MPHOSPH8: variants seen among roughly 807,000 people sequenced by gnomAD.
The protein encoded by MPHOSPH8 is M-phase phosphoprotein, mpp.
In MPHOSPH8, 45 loss-of-function variants were observed where a neutral mutation model predicts 87.3. That is an observed-to-expected ratio of 0.52 (90% CI 0.41 to 0.66). The LOEUF (loss-of-function observed/expected upper bound fraction) is 0.66. Ranked by LOEUF, MPHOSPH8 falls within the 30% of genes least tolerant of loss-of-function variation. MPHOSPH8 has a pLI of 0.00. For synonymous variants in MPHOSPH8, 366 were observed against 376.9 expected (o/e 0.97, Z 0.33); for missense variants, 883 against 1,020.2 (o/e 0.87, Z 1.83).
Position 19,661,822 on chromosome 13 carries a change from T to C in MPHOSPH8, c.1916T>C (p.Ile639Thr). The C allele has an allele frequency of 1.9e-6, 3 of 1,611,478 alleles. No individual in the cohort carries two copies. Among genetic ancestry groups the C allele is most frequent in the Non-Finnish European group, 2.5e-6 (3 of 1,178,624 alleles). ...CAGAAGAACGGGACCACCGCCCTCA[T>C]TCATGCTGCAGAGAAGGTTTGTGGC... Reference protein sequence around the residue: ...GRQKNGTTALIHAAEKNFLTT... With the variant: ...GRQKNGTTALTHAAEKNFLTT... Residue 639 changes from isoleucine to threonine, a missense_variant, in exon 8 of 14, where the codon ATT becomes ACT. By Grantham distance (89) the Ile-to-Thr change is moderately conservative. This residue lies in a region of MPHOSPH8 where 741 missense variants were observed against 841.5 expected (regional missense o/e 0.88). Coordinates refer to ENST00000361479, the MANE Select transcript of MPHOSPH8 (RefSeq NM_017520.4).
At chr13:19,670,997 T>C (rs1423427612) in intron 12 of MPHOSPH8, 1 of 1,233,266 alleles carries the variant, frequency 8.1e-7, no homozygotes, top group African/African-American at 1.5e-5. Context: ...TTTTTTGTAT[T>C]TTTTGTAGAG....
At position 19,639,282 on chromosome 13, in the gene MPHOSPH8, GGTTT is replaced by G. The variant is rs1322304756; in HGVS notation, c.214-2827_214-2824del. On this transcript the variant is annotated intron_variant, in intron 1 of 13. Coordinates refer to ENST00000361479, the MANE Select transcript of MPHOSPH8 (RefSeq NM_017520.4). Reference sequence around the variant, plus strand: ...TGAGCAGGAGGATTCTACAGTGCCTGGTTTGTTTGAGATTAGCCTCTGGAATGTC... The same window carrying G: ...TGAGCAGGAGGATTCTACAGTGCCTGGTTTGAGATTAGCCTCTGGAATGTC... Among the ~76,000 whole-genome samples the G allele has an allele frequency of 4.0e-5, 6 of 151,146 alleles. No homozygotes were observed. In the South Asian group the frequency reaches 1.1e-3, roughly 27 times the overall value.
intron 4 of MPHOSPH8, among the ~76,000 whole-genome samples, chr13:19,649,455 C>G (rs1240942202): frequency 1.3e-5 from 2 of 152,012 alleles, no homozygotes; most frequent in Non-Finnish European, 2.9e-5. Flanking sequence ...AGAATTCATC[C>G]TAATTCTCTT....
chr13:19,666,475 A>T lies in MPHOSPH8; in HGVS notation c.2070A>T (p.Gly690=), dbSNP rs772106903. ...TCGTACGACTCGTAATTGAATGTGG[A>T]GCTGACTGCAATATTTTGTCAAAGC... is the stretch of plus-strand genomic sequence containing the variant. ...SDIVRLVIEC[G]ADCNILSKHQ... Residue 690 remains glycine (G), a synonymous_variant, in exon 10 of 14, where the codon GGA becomes GGT. Coordinates refer to ENST00000361479, the MANE Select transcript of MPHOSPH8 (RefSeq NM_017520.4). 1.1e-5 allele frequency: 18 copies of T among 1,611,688 alleles called. No homozygotes were observed. Among genetic ancestry groups the T allele is most frequent in the Non-Finnish European group, 1.4e-5 (17 of 1,177,938 alleles).
In MPHOSPH8 at chr13:19,673,326, T is replaced by C. The variant is rs1033846506; in HGVS notation, c.*1451T>C. The C allele has an allele frequency of 6.6e-6, 2 of 302,190 alleles. No individual in the cohort carries two copies. The highest frequency in any genetic ancestry group is 4.3e-5 in the African/African-American group (2 of 46,172). 18.7% of individuals were successfully genotyped at this position (302,190 alleles called of 1,614,324 possible). On this transcript the variant is annotated 3_prime_UTR_variant, in exon 14 of 14. Coordinates refer to ENST00000361479, the MANE Select transcript of MPHOSPH8 (RefSeq NM_017520.4). ...TAGTTTATAATTGTATGAAATACGA[T>C]TTTAATGAAAACTTTTCAGAATTCA...
At chr13:19,666,928 G>A (rs8002906) in intron 10 of MPHOSPH8, among the ~76,000 whole-genome samples, 16 of 152,104 alleles carry the variant, frequency 1.1e-4, no homozygotes, top group African/African-American at 3.6e-4. Flanking sequence ...TTGGGAGGCC[G>A]AGGCGGGTGG....
intron 7 of MPHOSPH8, 139 bp from the exon 8 acceptor site, chr13:19,661,559 T>G: frequency 1.2e-6 from 1 of 836,984 alleles, no homozygotes; most frequent in Non-Finnish European, 1.8e-6. Flanking sequence ...GTTGGGATAT[T>G]TTAGTGAAAA....
chr13:19,643,101 CT>C (rs1224830612), intron 2 of MPHOSPH8, among the ~76,000 whole-genome samples: 1 of 151,910 alleles, frequency 6.6e-6, no homozygotes, highest in Non-Finnish European at 1.5e-5. Context: ...GTATTTTTAG[CT>C]TTTTTTTCTT....
At chr13:19,651,611 A>G (rs1346624091) in intron 5 of MPHOSPH8, among the ~76,000 whole-genome samples, 2 of 151,952 alleles carry the variant, frequency 1.3e-5, no homozygotes, top group Non-Finnish European at 2.9e-5. Flanking sequence ...AGGAGGATCA[A>G]TAAGCCCAGG....
chr13:19,658,164 G>C (rs541199225), intron 5 of MPHOSPH8, among the ~76,000 whole-genome samples: 1 of 152,298 alleles, frequency 6.6e-6, no homozygotes, highest in South Asian at 2.1e-4. Flanking sequence ...AGTTTGAGTT[G>C]AGGGCTTTGG....
Position 19,673,235 on chromosome 13 carries a change from G to GT in MPHOSPH8, c.*1361dup. On this transcript the variant is annotated 3_prime_UTR_variant, in exon 14 of 14. Coordinates refer to ENST00000361479, the MANE Select transcript of MPHOSPH8 (RefSeq NM_017520.4). Reference sequence around the variant, plus strand: ...CTCTCTGGGAAGAGTTCCTGCTTCTGTATGGCAAGCATAAATCAAGCTCAG... The same window carrying GT: ...CTCTCTGGGAAGAGTTCCTGCTTCTGTTATGGCAAGCATAAATCAAGCTCAG... 2 of 418,980 alleles carry GT rather than the reference G, an allele frequency of 4.8e-6. No individual in the cohort carries two copies. Among genetic ancestry groups the GT allele is most frequent in the Non-Finnish European group, 9.3e-6 (2 of 215,944 alleles). 26.0% of individuals were successfully genotyped at this position (418,980 alleles called of 1,614,324 possible). A position where few individuals can be genotyped will look rare whatever the true frequency, so the allele number is the denominator to read the frequency against.
intron 5 of MPHOSPH8, among the ~76,000 whole-genome samples, chr13:19,658,464 A>G (rs938784359): frequency 5.3e-5 from 3 of 56,102 alleles, no homozygotes; most frequent in African/African-American, 1.2e-4. Flanking sequence ...GACTCTAGCA[A>G]TACCTCACGG....
chr13:19,670,217 ACAC>A lies in MPHOSPH8; in HGVS notation c.2330-18_2330-16del. The A allele has an allele frequency of 6.2e-7, 1 of 1,613,880 alleles. No homozygotes were observed. Among genetic ancestry groups the A allele is most frequent in the South Asian group, 1.1e-5 (1 of 91,064 alleles). ...GAAGGTTGCCTTTGAAGTAATTCACACACATCTCCCATTTTCAGGCTCTGGCAT... is the reference window on the plus strand; with the variant it reads ...GAAGGTTGCCTTTGAAGTAATTCACAATCTCCCATTTTCAGGCTCTGGCAT... On this transcript the variant is annotated splice_polypyrimidine_tract_variant and intron_variant, in intron 11 of 13. Transcript: ENST00000361479.
At chr13:19,653,286 A>G (rs1874961739) in intron 5 of MPHOSPH8, among the ~76,000 whole-genome samples, 1 of 152,230 alleles carries the variant, frequency 6.6e-6, no homozygotes, top group South Asian at 2.1e-4. Flanking sequence ...TACCCAGGCA[A>G]ACAGAGTCTG....
intron 5 of MPHOSPH8, among the ~76,000 whole-genome samples, chr13:19,652,134 C>G (rs1177929560): frequency 2.0e-5 from 3 of 152,128 alleles, no homozygotes; most frequent in Non-Finnish European, 4.4e-5. Flanking sequence ...TACGGGATTG[C>G]TGGCAAGATG....
chr13:19,637,576 C>T (rs528438339), intron 1 of MPHOSPH8, among the ~76,000 whole-genome samples: 3 of 152,006 alleles, frequency 2.0e-5, no homozygotes, highest in East Asian at 3.9e-4. Flanking sequence ...CCACCCGCCT[C>T]GGCCTCCCAA....
chr13:19,650,214 T>C lies in MPHOSPH8; in HGVS notation c.1530T>C (p.Gly510=), dbSNP rs892074683. 8 of 1,613,894 alleles carry C rather than the reference T, an allele frequency of 5.0e-6. No homozygotes were observed. The Admixed American group carries it at 8.3e-5, about 17-fold the overall frequency. The change falls in exon 5 of 14, where the codon GGT becomes GGC. Residue 510 remains glycine, a synonymous_variant. Transcript: ENST00000361479. ...TDTWAYIAAE[G]DQEVLDSVCQ... is the part of the protein sequence containing the mutation. ...CTTGGGCATACATTGCTGCAGAAGG[T>C]GATCAGGAGGTTTTAGACAGCGTGT...
At chr13:19,647,841 A>C (rs1874649186) in intron 3 of MPHOSPH8, among the ~76,000 whole-genome samples, 1 of 152,156 alleles carries the variant, frequency 6.6e-6, no homozygotes, top group Non-Finnish European at 1.5e-5. Context: ...TTTTTCATCC[A>C]TTATTTCCAG....
At position 19,642,113 on chromosome 13, in the gene MPHOSPH8, A is replaced by G; in HGVS notation, c.214-2A>G. The G allele has an allele frequency of 6.6e-7, 1 of 1,524,554 alleles. No individual in the cohort carries two copies. The highest frequency in any genetic ancestry group is 8.8e-7 in the Non-Finnish European group (1 of 1,142,642). 94.4% of individuals were successfully genotyped at this position (1,524,554 alleles called of 1,614,324 possible). ...TTTGCCTCCTTTTATTTTCTATAACAGGGTAAAGTTCTTTACAAAGTTCGC... is the reference window on the plus strand; with the variant it reads ...TTTGCCTCCTTTTATTTTCTATAACGGGGTAAAGTTCTTTACAAAGTTCGC... On this transcript the variant is annotated splice_acceptor_variant, in intron 1 of 13. Transcript: ENST00000361479. LOFTEE classifies it high-confidence loss of function.
Sources: gnomAD v4.1 joint callset for allele counts (sites outside exome capture counted in the v4.1 genomes callset) on GRCh38, gnomAD v4.1.1 for gene constraint, gnomAD v4.1.1 regional missense constraint, MANE v1.5 for transcripts, NCBI Gene and HGNC (gene_info 2026-07-23, HGNC 2026-07-21) for gene names.